The following METTL15 variants were observed in gnomAD, a reference collection of about 807,000 sequenced individuals.
The protein encoded by METTL15 is methyltransferase 15, mitochondrial 12S rRNA N4-cytidine.
In METTL15, 34 loss-of-function variants were observed where a neutral mutation model predicts 38.3. That is an observed-to-expected ratio of 0.89 (90% confidence interval 0.68 to 1.18). The LOEUF (loss-of-function observed/expected upper bound fraction) is 1.18, where lower values mean the gene tolerates loss of function less well. Among genes scored for constraint, METTL15 ranks in the 50% most tolerant of loss-of-function variants. The probability of loss-of-function intolerance (pLI) is 0.00; values close to 1 mark genes in which losing one functional copy is unlikely to be tolerated. For synonymous variants in METTL15, 162 were observed against 170.9 expected (o/e 0.95, Z 0.41); for missense variants, 438 against 498.4 (o/e 0.88, Z 1.15).
Position 28,113,287 on chromosome 11 carries a change from C to T in METTL15, c.-17-31C>T, listed in dbSNP as rs773616140. ...TATTAGAACATTCTTTTAAAAAAAT[C>T]CAACAATCATATTTTAATTTTTTTT... On this transcript the variant is annotated intron_variant, in intron 2 of 6. Coordinates refer to ENST00000407364, the MANE Select transcript of METTL15 (RefSeq NM_001113528.2). 10 of 1,399,184 alleles carry T rather than the reference C, an allele frequency of 7.1e-6. No individual in the cohort carries two copies. In the African/African-American group the frequency reaches 1.5e-4, roughly 20 times the overall value. The allele number at this position is 1,399,184 out of a possible 1,614,324, so 86.7% of individuals were successfully genotyped here.
chr11:28,352,878 A>G (rs946307828), intron 4 of METTL15, among the ~76,000 whole-genome samples: 1 of 152,214 alleles, frequency 6.6e-6, no homozygotes, highest in African/African-American at 2.4e-5. Flanking sequence ...ATCAAAATAT[A>G]TATTCATAGA....
chr11:28,397,329 T>C (rs1472802246), intron 5 of METTL15, among the ~76,000 whole-genome samples: 1 of 151,898 alleles, frequency 6.6e-6, no homozygotes, highest in Non-Finnish European at 1.5e-5. Context: ...AGAAAATTTT[T>C]GCAATCTACT....
intron 3 of METTL15, chr11:28,145,079 G>C (rs1849832976): frequency 6.3e-6 from 1 of 159,372 alleles, no homozygotes. Flanking sequence ...ATCTCAGTAG[G>C]AGTTGGAGGA....
At chr11:28,247,485 G>T (rs1163748851) in intron 4 of METTL15, among the ~76,000 whole-genome samples, 1 of 151,972 alleles carries the variant, frequency 6.6e-6, no homozygotes, top group Non-Finnish European at 1.5e-5. Flanking sequence ...AAAAATGGAG[G>T]CATTTATGCC....
intron 5 of METTL15, among the ~76,000 whole-genome samples, chr11:28,377,583 A>G (rs1263223582): frequency 6.6e-6 from 1 of 151,446 alleles, no homozygotes; most frequent in African/African-American, 2.4e-5. Context: ...AAAGTTTTCA[A>G]CTTCTTTGCC....
At chr11:28,169,341 T>C (rs567258969) in intron 3 of METTL15, among the ~76,000 whole-genome samples, 46 of 152,138 alleles carry the variant, frequency 3.0e-4, no homozygotes, top group Non-Finnish European at 5.3e-4. Flanking sequence ...TTTATCTTGG[T>C]TGTTCAAATA....
At chr11:28,433,071 A>G (rs149125149) in intron 6 of METTL15, among the ~76,000 whole-genome samples, 2,051 of 152,138 alleles carry the variant, frequency 0.013, 26 homozygotes, top group Non-Finnish European at 0.018. Flanking sequence ...TTCTTCCTGA[A>G]CACATTGAGG....
intron 4 of METTL15, among the ~76,000 whole-genome samples, chr11:28,218,078 T>A (rs1034549955): frequency 3.9e-5 from 6 of 152,190 alleles, no homozygotes; most frequent in African/African-American, 1.2e-4. Flanking sequence ...AAAGTAGTTT[T>A]TTCCTATTCC....
At chr11:28,326,133 C>T (rs901365310) in intron 6 of METTL15, among the ~76,000 whole-genome samples, 125 of 152,250 alleles carry the variant, frequency 8.2e-4, no homozygotes, top group African/African-American at 2.8e-3. Flanking sequence ...GTTTCTATTT[C>T]TGATAACAGT....
chr11:28,123,876 T>G (rs772014111), intron 3 of METTL15: 3 of 1,471,432 alleles, frequency 2.0e-6, no homozygotes, highest in South Asian at 1.4e-5. Flanking sequence ...AGAAGTAAAC[T>G]GTGGATATTT....
At chr11:28,377,313 T>C (rs1850327654) in intron 5 of METTL15, among the ~76,000 whole-genome samples, 1 of 152,082 alleles carries the variant, frequency 6.6e-6, no homozygotes, top group Non-Finnish European at 1.5e-5. Context: ...GACATAGATT[T>C]GGTCTTTTCA....
intron 6 of METTL15, among the ~76,000 whole-genome samples, chr11:28,508,118 T>C (rs1339484224): frequency 6.6e-6 from 1 of 152,170 alleles, no homozygotes; most frequent in African/African-American, 2.4e-5. Context: ...TTTAAAACAC[T>C]TCAAACTTAT....
At chr11:28,362,088 G>A (rs946740236) in intron 5 of METTL15, 1 of 152,042 alleles carries the variant, frequency 6.6e-6, no homozygotes, top group Non-Finnish European at 1.5e-5. Flanking sequence ...AGTAATGGTA[G>A]GGCACTATCC....
chr11:28,367,605 C>T (rs764045541), intron 5 of METTL15, among the ~76,000 whole-genome samples: 9 of 151,902 alleles, frequency 5.9e-5, no homozygotes, highest in African/African-American at 1.7e-4. Flanking sequence ...CTACTTTAAA[C>T]GTCATATGGA....
chr11:28,480,979 C>G (rs1302325596), intron 6 of METTL15, among the ~76,000 whole-genome samples: 1 of 151,958 alleles, frequency 6.6e-6, no homozygotes, highest in Non-Finnish European at 1.5e-5. Flanking sequence ...TTTACCTGAT[C>G]AAGAAGGTAA....
chr11:28,224,105 T>C (rs983810567), intron 4 of METTL15, among the ~76,000 whole-genome samples: 6 of 152,046 alleles, frequency 3.9e-5, no homozygotes, highest in Admixed American at 1.3e-4. Flanking sequence ...AATATGAAAG[T>C]ATAAACTCAC....
chr11:28,395,141 T>C (rs1850555049), intron 5 of METTL15, among the ~76,000 whole-genome samples: 1 of 152,058 alleles, frequency 6.6e-6, no homozygotes, highest in Non-Finnish European at 1.5e-5. Context: ...TGCCCACAAT[T>C]CCCTTTTGCT....
rs373980764 is a variant in METTL15, at chr11:28,391,106, T to C, written c.*358+29070T>C. On this transcript the variant is annotated intron_variant and NMD_transcript_variant, in intron 5 of 7. Coordinates refer to the METTL15 transcript ENST00000532947. ...TATCCTGAGACTTTGCTGAAGTTGC[T>C]TATCAGCTTAAGGAGATTTTGGGCT... Among the ~76,000 whole-genome samples, 5 of 152,130 alleles carry C rather than the reference T, an allele frequency of 3.3e-5. No homozygotes were observed. In the South Asian group the frequency reaches 6.2e-4, roughly 19 times the overall value.
intron 4 of METTL15, among the ~76,000 whole-genome samples, chr11:28,241,809 G>C (rs1854311634): frequency 6.6e-6 from 1 of 152,174 alleles, no homozygotes; most frequent in African/African-American, 2.4e-5. Context: ...CATATGGGGA[G>C]CACATAAGGA....
Sources: gnomAD v4.1 joint callset for allele counts (sites outside exome capture counted in the v4.1 genomes callset) on GRCh38, gnomAD v4.1.1 for gene constraint, MANE v1.5 for transcripts, NCBI Gene and HGNC (gene_info 2026-07-23, HGNC 2026-07-21) for gene names.